VPS13B: variants seen among roughly 807,000 people sequenced by gnomAD.
VPS13B encodes intermembrane lipid transfer protein VPS13B.
In VPS13B, 285 loss-of-function variants were observed where a neutral mutation model predicts 426.4. That is an observed-to-expected ratio of 0.67 (90% confidence interval 0.61 to 0.74). VPS13B has a LOEUF of 0.74. Ranked by LOEUF, VPS13B falls within the 30% of genes least tolerant of loss-of-function variation. VPS13B has a pLI of 0.00. For missense variants in VPS13B, 4,537 were observed against 4,782.6 expected, an observed-to-expected ratio of 0.95 and a Z score of 1.51; for synonymous variants, 1,676 against 1,676.4, an observed-to-expected ratio of 1.00 and a Z score of 0.01.
At chr8:99,777,629 C>T (rs1165935660) in intron 41 of VPS13B, among the ~76,000 whole-genome samples, 1 of 152,152 alleles carries the variant, frequency 6.6e-6, no homozygotes, top group East Asian at 1.9e-4. Flanking sequence ...TATCCTGAGT[C>T]ATTACATTAG....
intron 3 of VPS13B, among the ~76,000 whole-genome samples, chr8:99,055,670 T>C (rs540471041): frequency 6.6e-6 from 1 of 152,280 alleles, no homozygotes; most frequent in Admixed American, 6.5e-5. Flanking sequence ...TTTCTTAATT[T>C]CCATTTTGGA....
chr8:99,213,105 A>G (rs185891224), intron 17 of VPS13B, among the ~76,000 whole-genome samples: 1 of 152,128 alleles, frequency 6.6e-6, no homozygotes, highest in East Asian at 1.9e-4. Context: ...CTAGACTTGG[A>G]CCCTGTTTTC....
chr8:99,425,757 A>T (rs1050070735), intron 21 of VPS13B, among the ~76,000 whole-genome samples: 2 of 152,204 alleles, frequency 1.3e-5, no homozygotes, highest in African/African-American at 4.8e-5. Flanking sequence ...AGAGGAAGTC[A>T]AATTGTCCCT....
In VPS13B at chr8:99,156,545, C is replaced by A; in HGVS notation, c.2014-4C>A. ...AATATAAAGCGAACACTATTATTTT[C>A]TAGAACTCAAGTAACTTCATGAATA... On this transcript the variant is annotated splice_polypyrimidine_tract_variant and splice_region_variant and intron_variant, in intron 14 of 61. Transcript: ENST00000357162. The A allele has an allele frequency of 6.2e-7, 1 of 1,613,794 alleles. No homozygotes were observed. The highest frequency in any genetic ancestry group is 1.1e-5 in the South Asian group (1 of 91,076).
rs757031141 is a variant in VPS13B at position 99,861,827 on chromosome 8, AC to A, written c.11098del (p.Arg3700GlyfsTer45). 1 of 1,598,844 alleles carries A rather than the reference AC, an allele frequency of 6.3e-7. No homozygotes were observed. Among genetic ancestry groups the A allele is most frequent in the South Asian group, 1.1e-5 (1 of 87,996 alleles). ...NLATSLARNM[D>X]RLSLDEEHYN... ...GCCACAAGCCTGGCCCGGAACATGG[AC>A]CGGCTCTCACTGGATGAGGAGCACT... is the stretch of plus-strand genomic sequence containing the variant. On this transcript the variant is annotated frameshift_variant, in exon 58 of 62. Transcript: ENST00000357162. LOFTEE classifies it high-confidence loss of function.
At chr8:99,381,714 TTGTC>T (rs1445166666) in intron 19 of VPS13B, among the ~76,000 whole-genome samples, 2 of 152,068 alleles carry the variant, frequency 1.3e-5, no homozygotes, top group Non-Finnish European at 2.9e-5. Context: ...CTTTTGAAAA[TTGTC>T]TGTTCATGTC....
At chr8:99,684,319 A>G (rs775116287) in intron 35 of VPS13B, among the ~76,000 whole-genome samples, 26 of 152,240 alleles carry the variant, frequency 1.7e-4, no homozygotes, top group Non-Finnish European at 2.1e-4. Flanking sequence ...CATAAAATGA[A>G]TTAAGAAGTA....
rs1826008159 is a variant in VPS13B at position 99,580,696 on chromosome 8, T to A, written c.5220+3063T>A. Among the ~76,000 whole-genome samples, 3 of 150,384 alleles carry A rather than the reference T, an allele frequency of 2.0e-5. No homozygotes were observed. The South Asian group carries it at 6.3e-4, about 32-fold the overall frequency. On this transcript the variant is annotated intron_variant, in intron 33 of 61. Coordinates refer to ENST00000357162, the MANE Select transcript of VPS13B (RefSeq NM_152564.5). ...GAGTCCCCATTTCAACAAAAAAAAA[T>A]TAAAAATTAGTTGCATGTGGTGGTG... is the stretch of plus-strand genomic sequence containing the variant.
At chr8:99,271,022 A>G (rs1410261212) in intron 17 of VPS13B, among the ~76,000 whole-genome samples, 1 of 152,090 alleles carries the variant, frequency 6.6e-6, no homozygotes, top group African/African-American at 2.4e-5. Context: ...AAATATATAT[A>G]TAGAATGAAA....
chr8:99,424,285 A>C (rs192326710), intron 21 of VPS13B: 26 of 150,358 alleles, frequency 1.7e-4, no homozygotes, highest in African/African-American at 6.4e-4. Flanking sequence ...CCATCCCTTT[A>C]TTTTGAGCCT....
chr8:99,323,223 T>C (rs1810072852), intron 19 of VPS13B, among the ~76,000 whole-genome samples: 1 of 152,220 alleles, frequency 6.6e-6, no homozygotes, highest in Non-Finnish European at 1.5e-5. Context: ...CATGACACTC[T>C]TAGCTGCATG....
At chr8:99,449,207 T>TATGG (rs1452551872) in intron 23 of VPS13B, among the ~76,000 whole-genome samples, 1 of 152,276 alleles carries the variant, frequency 6.6e-6, no homozygotes, top group East Asian at 1.9e-4. Flanking sequence ...CTGGATTAGT[T>TATGG]ATGGATAGGG....
chr8:99,635,434 G>A (rs1047353605), intron 33 of VPS13B, among the ~76,000 whole-genome samples: 5 of 151,722 alleles, frequency 3.3e-5, no homozygotes, highest in South Asian at 2.1e-4. Context: ...ACTTCAGCAC[G>A]GCTATTATAT....
In VPS13B at chr8:99,859,379, ACTT is replaced by A; in HGVS notation, c.10948_10950del (p.Phe3650del). ...AGAAGCATCGGGAACGGGGTCGCCG[ACTT>A]CTTCAGGCTTCCGTATGAGGGGCTG... On this transcript the variant is annotated inframe_deletion, in exon 57 of 62. Transcript: ENST00000357162. 2 of 1,613,994 alleles carry A rather than the reference ACTT, an allele frequency of 1.2e-6. No individual in the cohort carries two copies. Among genetic ancestry groups the A allele is most frequent in the Non-Finnish European group, 1.7e-6 (2 of 1,180,020 alleles).
At chr8:99,575,898 T>A in intron 32 of VPS13B, 114 bp downstream of exon 32, 1 of 1,007,814 alleles carries the variant, frequency 9.9e-7, no homozygotes, top group Non-Finnish European at 1.5e-6. Flanking sequence ...TCATTAATAA[T>A]AATGGCTACT....
chr8:99,218,629 C>T (rs1403789294), intron 17 of VPS13B, among the ~76,000 whole-genome samples: 1 of 152,140 alleles, frequency 6.6e-6, no homozygotes, highest in Non-Finnish European at 1.5e-5. Context: ...TGTCAAAGTG[C>T]CATTGTCGTC....
intron 17 of VPS13B, among the ~76,000 whole-genome samples, chr8:99,253,089 A>G (rs1379826567): frequency 6.6e-6 from 1 of 152,128 alleles, no homozygotes; most frequent in African/African-American, 2.4e-5. Context: ...ATCGTGGAAT[A>G]TGTAATCTTT....
At chr8:99,804,994 A>G (rs942834655) in intron 43 of VPS13B, among the ~76,000 whole-genome samples, 2 of 151,940 alleles carry the variant, frequency 1.3e-5, no homozygotes, top group African/African-American at 4.8e-5. Flanking sequence ...AGTTGACTCT[A>G]TCTCTAAAAC....
At chr8:99,868,225 T>A (rs928370861) in intron 58 of VPS13B, 64 bp from the exon 59 acceptor site, 1 of 1,605,526 alleles carries the variant, frequency 6.2e-7, no homozygotes, top group Non-Finnish European at 8.5e-7. Flanking sequence ...GTGTTCCAGA[T>A]GGAGCCTTTC....
Sources: allele counts gnomAD v4.1 joint callset (sites outside exome capture counted in the v4.1 genomes callset), GRCh38; gene constraint gnomAD v4.1.1; transcripts MANE v1.5; gene names NCBI Gene and HGNC (gene_info 2026-07-23, HGNC 2026-07-21).